ZNF333: variants seen among roughly 807,000 people sequenced by gnomAD.
The protein encoded by ZNF333 is zinc finger protein 333.
In ZNF333, 61 loss-of-function variants were observed where a neutral mutation model predicts 76.1. The observed-to-expected ratio is 0.80, with a 90% confidence interval of 0.65 to 0.99. The LOEUF (loss-of-function observed/expected upper bound fraction) is 0.99, where lower values mean the gene tolerates loss of function less well. Ranked by LOEUF, ZNF333 falls within the 50% of genes least tolerant of loss-of-function variation. The pLI, the probability that ZNF333 is intolerant of heterozygous loss-of-function variation, is 0.00. For synonymous variants in ZNF333, 284 were observed against 305.0 expected, an observed-to-expected ratio of 0.93 and a Z score of 0.72; for missense variants, 717 against 822.4, an observed-to-expected ratio of 0.87 and a Z score of 1.57.
chr19:14,699,363 A>G, intron 5 of ZNF333, 82 bp downstream of exon 5: 3 of 1,234,310 alleles, frequency 2.4e-6, no homozygotes, highest in Non-Finnish European at 2.4e-6. Flanking sequence ...GACCAGAGCC[A>G]GGGAGATGTT....
chr19:14,719,938 C>T lies in ZNF333; in HGVS notation c.*613C>T. The stretch of plus-strand genomic sequence containing the variant: ...CGGTGGCTCATGCCTCTAATCCCAG[C>T]ACTTTGGGAGGCTGAGGCTGGGGGA... On this transcript the variant is annotated 3_prime_UTR_variant, in exon 12 of 12. Coordinates refer to ENST00000292530, the MANE Select transcript of ZNF333 (RefSeq NM_032433.4). 1 of 981,508 alleles carries T rather than the reference C, an allele frequency of 1.0e-6. No homozygotes were observed. The highest frequency in any genetic ancestry group is 1.2e-6 in the Non-Finnish European group (1 of 826,398). The allele number at this position is 981,508 out of a possible 1,614,324, so 60.8% of individuals were successfully genotyped here. A position where few individuals can be genotyped will look rare whatever the true frequency, so the allele number is the denominator to read the frequency against.
At position 14,720,757 on chromosome 19, in the gene ZNF333, T is replaced by A; in HGVS notation, c.*1432T>A. 4 of 985,072 alleles carry A rather than the reference T, an allele frequency of 4.1e-6. No individual in the cohort carries two copies. The highest frequency in any genetic ancestry group is 4.8e-6 in the Non-Finnish European group (4 of 829,798). 61.0% of individuals were successfully genotyped at this position (985,072 alleles called of 1,614,324 possible). A position where few individuals can be genotyped will look rare whatever the true frequency, so the allele number is the denominator to read the frequency against. On this transcript the variant is annotated 3_prime_UTR_variant, in exon 12 of 12. Coordinates refer to ENST00000292530, the MANE Select transcript of ZNF333 (RefSeq NM_032433.4). ...TGTCTGCTAGATCAAGCAAATGTGT[T>A]TAAAAACCATCTACACATTTATAAA... is the stretch of plus-strand genomic sequence containing the variant.
chr19:14,715,296 C>T, intron 7 of ZNF333, 86 bp from the exon 8 acceptor site: 1 of 1,174,146 alleles, frequency 8.5e-7, no homozygotes, highest in Non-Finnish European at 1.2e-6. Flanking sequence ...TGTGATCACT[C>T]ACAGCCAGGG....
chr19:14,714,224 C>A (rs559387026), intron 7 of ZNF333, among the ~76,000 whole-genome samples: 1 of 152,244 alleles, frequency 6.6e-6, no homozygotes, highest in East Asian at 1.9e-4. Context: ...AGTCCTAACC[C>A]TGTGAATGTG....
Position 14,718,341 on chromosome 19 carries a change from TG to T in ZNF333, c.1015del (p.Glu339AsnfsTer15). ...GAATTCATGCTGGAGAGGCATCCTG[TG>T]AATGTCAAGAGATTAGAAATTCCTT... The part of the protein sequence containing the change: ...QRIHAGEASC[E>X]CQEIRNSFFQ... On this transcript the variant is annotated frameshift_variant, in exon 12 of 12. Transcript: ENST00000292530. LOFTEE classifies it high-confidence loss of function. 6.2e-7 allele frequency: 1 copy of T among 1,614,220 alleles called. No homozygotes were observed. The highest frequency in any genetic ancestry group is 8.5e-7 in the Non-Finnish European group (1 of 1,180,038).
At chr19:14,695,369 G>C (rs373150526) in intron 3 of ZNF333, among the ~76,000 whole-genome samples, 197 bp from the exon 4 acceptor site, 21 of 152,200 alleles carry the variant, frequency 1.4e-4, no homozygotes, top group African/African-American at 4.3e-4. Context: ...TTGGGGCAGA[G>C]GGGAGGGTGT....
At chr19:14,714,178 T>C (rs1010229358) in intron 7 of ZNF333, among the ~76,000 whole-genome samples, 4 of 151,186 alleles carry the variant, frequency 2.6e-5, no homozygotes, top group South Asian at 2.1e-4. Flanking sequence ...TGGGGTGTTA[T>C]GGCTTGAATT....
exon 12 of ZNF333, chr19:14,731,233 C>A (rs1568568363): frequency 6.6e-7 from 1 of 1,516,386 alleles, no homozygotes; most frequent in Admixed American, 2.0e-5. Flanking sequence ...GTTCAGATCG[C>A]TAGAATCCAA....
downstream of ZNF333, among the ~76,000 whole-genome samples, chr19:14,722,079 T>G (rs2042596037): frequency 6.6e-6 from 1 of 152,244 alleles, no homozygotes; most frequent in South Asian, 2.1e-4. Flanking sequence ...CTTCACATCC[T>G]TGGCAACATG....
At chr19:14,704,977 A>T in intron 5 of ZNF333, 77 bp from the exon 6 acceptor site, 1 of 1,460,344 alleles carries the variant, frequency 6.8e-7, no homozygotes, top group Non-Finnish European at 9.4e-7. Flanking sequence ...CCTAAGCCCC[A>T]AACCAAAGGT....
At chr19:14,696,124 T>C (rs1001340434) in intron 4 of ZNF333, among the ~76,000 whole-genome samples, 10 of 152,138 alleles carry the variant, frequency 6.6e-5, no homozygotes, top group African/African-American at 2.4e-4. Context: ...TGAGCCAAGA[T>C]TGCATCACTG....
intron 10 of ZNF333, 93 bp downstream of exon 10, chr19:14,717,182 C>G (rs537172703): frequency 2.0e-6 from 2 of 1,014,286 alleles, no homozygotes. Flanking sequence ...CTATTCATAC[C>G]TTTGACTGAG....
At chr19:14,731,125 A>G in intron 11 of ZNF333, 1 of 1,507,178 alleles carries the variant, frequency 6.6e-7, no homozygotes, top group Non-Finnish European at 8.9e-7. Flanking sequence ...TTATTCATTC[A>G]ATTTCTCTTC....
At chr19:14,725,945 G>C (rs533912858), downstream of ZNF333, among the ~76,000 whole-genome samples, 1 of 152,206 alleles carries the variant, frequency 6.6e-6, no homozygotes, top group South Asian at 2.1e-4. Context: ...AGGGATTCTT[G>C]TGGGGGTACG....
At chr19:14,729,780 C>T (rs963794861) in intron 11 of ZNF333, among the ~76,000 whole-genome samples, 7 of 152,132 alleles carry the variant, frequency 4.6e-5, no homozygotes, top group Non-Finnish European at 8.8e-5. Context: ...GTTCTCACCA[C>T]CAAATAATAA....
In ZNF333 at chr19:14,693,470, C is replaced by G. The variant is rs781549973; in HGVS notation, c.-22C>G. 5 of 1,602,124 alleles carry G rather than the reference C, an allele frequency of 3.1e-6. No individual in the cohort carries two copies. Among genetic ancestry groups the G allele is most frequent in the Non-Finnish European group, 4.3e-6 (5 of 1,171,218 alleles). On this transcript the variant is annotated 5_prime_UTR_variant, in exon 2 of 12. Coordinates refer to ENST00000292530, the MANE Select transcript of ZNF333 (RefSeq NM_032433.4). Reference sequence around the variant, plus strand: ...TTGCAGGGAGAACACCGACTGAGACCTCAAACCCTGGCTCCAGTGTCATGG... The same window carrying G: ...TTGCAGGGAGAACACCGACTGAGACGTCAAACCCTGGCTCCAGTGTCATGG...
intron 11 of ZNF333, among the ~76,000 whole-genome samples, chr19:14,728,087 C>T (rs2042644845): frequency 6.6e-6 from 1 of 152,142 alleles, no homozygotes; most frequent in South Asian, 2.1e-4. Flanking sequence ...GTGGTGGGCG[C>T]CTGTAGTCCC....
intron 5 of ZNF333, among the ~76,000 whole-genome samples, chr19:14,704,292 A>T (rs1270190066): frequency 6.6e-6 from 1 of 151,320 alleles, no homozygotes; most frequent in Non-Finnish European, 1.5e-5. Flanking sequence ...GTGTACCCTG[A>T]CTTTTTTTTT....
chr19:14,695,449 C>A, intron 3 of ZNF333, 117 bp from the exon 4 acceptor site: 3 of 1,027,810 alleles, frequency 2.9e-6, no homozygotes, highest in South Asian at 1.4e-5. Flanking sequence ...ACTTGCTCAG[C>A]CCAGAGAATC....
Sources: allele counts gnomAD v4.1 joint callset (sites outside exome capture counted in the v4.1 genomes callset), GRCh38; gene constraint gnomAD v4.1.1; transcripts MANE v1.5; gene names NCBI Gene and HGNC (gene_info 2026-07-23, HGNC 2026-07-21).